Variants in PRKAA2 observed in about 807,000 individuals in gnomAD.
The protein encoded by PRKAA2 is 5'-AMP-activated protein kinase catalytic subunit alpha-2.
In PRKAA2, 40 loss-of-function variants were observed where a neutral mutation model predicts 56.3. The observed-to-expected ratio is 0.71, with a 90% CI of 0.55 to 0.92. The LOEUF (loss-of-function observed/expected upper bound fraction) is 0.92. Ranked by LOEUF, PRKAA2 falls within the 40% of genes least tolerant of loss-of-function variation. The pLI is 0.00. For synonymous variants in PRKAA2, 214 were observed against 234.2 expected, an observed-to-expected ratio of 0.91 and a Z score of 0.79; for missense variants, 542 against 686.9, an observed-to-expected ratio of 0.79 and a Z score of 2.36.
intron 1 of PRKAA2, among the ~76,000 whole-genome samples, chr1:56,666,568 G>A (rs2100396264): frequency 6.6e-6 from 1 of 152,306 alleles, no homozygotes; most frequent in African/African-American, 2.4e-5. Context: ...TGGCATTTAT[G>A]TATTCCATTG....
At chr1:56,658,572 TG>T in intron 1 of PRKAA2, among the ~76,000 whole-genome samples, 1 of 124,112 alleles carries the variant, frequency 8.1e-6, no homozygotes, top group Non-Finnish European at 1.7e-5. Context: ...TAAATGTTGT[TG>T]TTTTTTTTTT....
intron 2 of PRKAA2, among the ~76,000 whole-genome samples, chr1:56,675,884 C>A (rs1470674305): frequency 6.6e-6 from 1 of 151,998 alleles, no homozygotes; most frequent in Non-Finnish European, 1.5e-5. Context: ...AGGAGGAGAT[C>A]AAATACTAAA....
intron 1 of PRKAA2, among the ~76,000 whole-genome samples, chr1:56,662,214 A>T (rs1419378187): frequency 6.6e-6 from 1 of 152,092 alleles, no homozygotes; most frequent in Non-Finnish European, 1.5e-5. Flanking sequence ...GTGTCTTCTT[A>T]AGATGAAAGA....
intron 1 of PRKAA2, among the ~76,000 whole-genome samples, chr1:56,656,577 G>A (rs1293226724): frequency 5.9e-5 from 9 of 152,166 alleles, no homozygotes; most frequent in African/African-American, 7.2e-5. Context: ...CCTTTAAGGT[G>A]TCTCTTCAAA....
chr1:56,704,443 C>G lies in PRKAA2; in HGVS notation c.1261C>G (p.Arg421Gly). ...KPYDIMAEVY[R>G]AMKQLDFEWK... Reference sequence around the variant, plus strand: ...GTATGACATTATGGCTGAAGTTTACCGAGCTATGAAGCAGCTGGATTTTGA... The same window carrying G: ...GTATGACATTATGGCTGAAGTTTACGGAGCTATGAAGCAGCTGGATTTTGA... Residue 421 changes from arginine to glycine, a missense_variant, in exon 7 of 9, where the codon CGA becomes GGA. Coordinates refer to ENST00000371244, the MANE Select transcript of PRKAA2 (RefSeq NM_006252.4). 6.2e-7 allele frequency: 1 copy of G among 1,607,434 alleles called. No individual in the cohort carries two copies. The highest frequency in any genetic ancestry group is 8.5e-7 in the Non-Finnish European group (1 of 1,178,150).
intron 1 of PRKAA2, among the ~76,000 whole-genome samples, chr1:56,653,065 G>A (rs1358314638): frequency 2.0e-5 from 3 of 151,954 alleles, no homozygotes; most frequent in African/African-American, 7.2e-5. Flanking sequence ...AAATAAAAGT[G>A]AATGTACACA....
chr1:56,645,509 C>A, intron 1 of PRKAA2, 28 bp downstream of exon 1: 1 of 1,447,360 alleles, frequency 6.9e-7, no homozygotes, highest in Middle Eastern at 2.2e-4. Flanking sequence ...GACCGCTGTG[C>A]GGGGCTGCCT....
intron 2 of PRKAA2, among the ~76,000 whole-genome samples, chr1:56,685,957 T>C (rs1644188135): frequency 6.6e-6 from 1 of 152,212 alleles, no homozygotes; most frequent in Admixed American, 6.5e-5. Flanking sequence ...ATTTTGCATA[T>C]TGTGCATACA....
At position 56,691,450 on chromosome 1, in the gene PRKAA2, G is replaced by T. The variant is rs1385705903; in HGVS notation, c.293G>T (p.Gly98Val). ...TTTATGGTAATGGAATATGTGTCTG[G>T]AGGTGAATTATTTGACTACATCTGT... Reference protein sequence around the residue: ...DFFMVMEYVSGGELFDYICKH... With the variant: ...DFFMVMEYVSVGELFDYICKH... The change falls in exon 3 of 9, where the codon GGA becomes GTA. Residue 98 changes from glycine to valine, a missense_variant. Gly to Val is a moderately radical substitution (Grantham distance 109). Coordinates refer to ENST00000371244, the MANE Select transcript of PRKAA2 (RefSeq NM_006252.4). The T allele has an allele frequency of 6.2e-7, 1 of 1,612,516 alleles. No individual in the cohort carries two copies. Among genetic ancestry groups the T allele is most frequent in the African/African-American group, 1.3e-5 (1 of 74,984 alleles).
chr1:56,675,773 A>G (rs1006370047), intron 2 of PRKAA2, among the ~76,000 whole-genome samples: 2 of 152,164 alleles, frequency 1.3e-5, no homozygotes, highest in Admixed American at 6.5e-5. Flanking sequence ...AAAACAATGG[A>G]ATCAATGGGA....
intron 1 of PRKAA2, among the ~76,000 whole-genome samples, chr1:56,652,337 G>T (rs1316483951): frequency 6.6e-6 from 1 of 151,304 alleles, no homozygotes; most frequent in Non-Finnish European, 1.5e-5. Flanking sequence ...CTGTATTTTT[G>T]GTAGAGACAG....
Position 56,655,280 on chromosome 1 carries a change from A to ATATATATATTTTT in PRKAA2, c.94+9800_94+9801insATATATATTTTTT. Among the ~76,000 whole-genome samples, 67 of 93,646 alleles carry ATATATATATTTTT rather than the reference A, an allele frequency of 7.2e-4. 2 individuals are homozygous for ATATATATATTTTT. The highest frequency in any genetic ancestry group is 3.3e-3 in the East Asian group (7 of 2,138). The allele number at this position is 93,646 out of a possible 152,430, so 61.4% of individuals were successfully genotyped here. On this transcript the variant is annotated intron_variant, in intron 1 of 8. Coordinates refer to ENST00000371244, the MANE Select transcript of PRKAA2 (RefSeq NM_006252.4). ...TGTATTTATATATCTATATATATAT[A>ATATATATATTTTT]TTTTTTTTTTTTTTTTGTAGAGACA...
chr1:56,690,758 T>A (rs569156019), intron 2 of PRKAA2, among the ~76,000 whole-genome samples: 229 of 152,322 alleles, frequency 1.5e-3, no homozygotes, highest in African/African-American at 5.3e-3. Flanking sequence ...GGAAAATATA[T>A]GTATGTTTTA....
intron 2 of PRKAA2, 84 bp from the exon 3 acceptor site, chr1:56,691,310 T>A: frequency 2.3e-6 from 2 of 851,576 alleles, no homozygotes; most frequent in South Asian, 3.5e-5. Context: ...CATTGAAATA[T>A]AAAATTGTAG....
chr1:56,696,285 C>A, intron 6 of PRKAA2, 126 bp downstream of exon 6: 1 of 793,378 alleles, frequency 1.3e-6, no homozygotes, highest in Non-Finnish European at 2.0e-6. Context: ...GCTTCAGCCA[C>A]ATTGAACTTG....
intron 1 of PRKAA2, among the ~76,000 whole-genome samples, chr1:56,661,677 TG>T (rs1313874606): frequency 7.9e-5 from 12 of 152,112 alleles, no homozygotes; most frequent in African/African-American, 2.6e-4. Context: ...TAGAAAAACG[TG>T]AATTTAAAAC....
intron 2 of PRKAA2, among the ~76,000 whole-genome samples, chr1:56,685,873 G>A (rs1023018875): frequency 2.0e-5 from 3 of 152,138 alleles, no homozygotes; most frequent in Non-Finnish European, 4.4e-5. Context: ...TATTGATTGT[G>A]TTTGTATCAA....
intron 1 of PRKAA2, among the ~76,000 whole-genome samples, chr1:56,660,593 A>G (rs1342818477): frequency 3.3e-5 from 5 of 152,178 alleles, no homozygotes; most frequent in Non-Finnish European, 7.3e-5. Context: ...CTAATGCTAG[A>G]GATAATGCTT....
intron 1 of PRKAA2, among the ~76,000 whole-genome samples, chr1:56,659,932 C>G (rs555721352): frequency 6.6e-6 from 1 of 152,210 alleles, no homozygotes; most frequent in South Asian, 2.1e-4. Context: ...AAGCAGAATA[C>G]AGCATATCAC....
Sources: allele counts gnomAD v4.1 joint callset (sites outside exome capture counted in the v4.1 genomes callset), GRCh38; gene constraint gnomAD v4.1.1; transcripts MANE v1.5; gene names NCBI Gene and HGNC (gene_info 2026-07-23, HGNC 2026-07-21).